CPA6: variants seen among roughly 807,000 people sequenced by gnomAD.
The protein encoded by CPA6 is carboxypeptidase A6.
CPA6 carries 58 observed loss-of-function variants against 63.3 expected under a neutral mutation model. The ratio of observed to expected loss-of-function variants is 0.92; its 90% CI spans 0.74 to 1.14. The LOEUF is 1.14. Ranked by LOEUF, CPA6 falls within the 50% of genes most tolerant of loss-of-function variation. CPA6 has a pLI of 0.00. For missense variants in CPA6, 565 were observed against 526.6 expected (o/e 1.07, Z -0.71); for synonymous variants, 185 against 179.0 (o/e 1.03, Z -0.27).
intron 1 of CPA6, among the ~76,000 whole-genome samples, chr8:67,713,073 C>CTGTGTGTG (rs1165690969): frequency 1.0e-5 from 1 of 97,734 alleles, no homozygotes; most frequent in African/African-American, 4.5e-5. Flanking sequence ...ATGTGTGTAT[C>CTGTGTGTG]TGTGTGTGTA....
At chr8:67,464,230 CATT>C (rs1810877512) in intron 8 of CPA6, among the ~76,000 whole-genome samples, 1 of 152,080 alleles carries the variant, frequency 6.6e-6, no homozygotes, top group Non-Finnish European at 1.5e-5. Context: ...GATCGTATCT[CATT>C]GTAGTTTTGA....
chr8:67,459,795 T>A (rs1810759244), intron 8 of CPA6, among the ~76,000 whole-genome samples: 2 of 152,228 alleles, frequency 1.3e-5, no homozygotes, highest in Admixed American at 1.3e-4. Context: ...TCCAAAGTAT[T>A]CATTGCATGC....
At chr8:67,533,686 T>A (rs1812524673) in intron 2 of CPA6, among the ~76,000 whole-genome samples, 1 of 152,228 alleles carries the variant, frequency 6.6e-6, no homozygotes, top group African/African-American at 2.4e-5. Flanking sequence ...AAAGAAGGCA[T>A]TTATGTTGCA....
chr8:67,742,146 G>C (rs1173561771), intron 1 of CPA6, among the ~76,000 whole-genome samples: 3 of 152,040 alleles, frequency 2.0e-5, no homozygotes, highest in Non-Finnish European at 4.4e-5. Context: ...GTGTGTGTGC[G>C]CGTGTGTGTG....
At chr8:67,447,129 T>C (rs1009291897) in intron 8 of CPA6, among the ~76,000 whole-genome samples, 2 of 151,002 alleles carry the variant, frequency 1.3e-5, no homozygotes, top group African/African-American at 4.9e-5. Context: ...CACACACATA[T>C]ATATATACAC....
At chr8:67,505,154 C>A (rs896486436) in intron 6 of CPA6, among the ~76,000 whole-genome samples, 4 of 152,130 alleles carry the variant, frequency 2.6e-5, no homozygotes, top group East Asian at 1.9e-4. Context: ...CCATTCATAT[C>A]CTATGAGATG....
chr8:67,483,456 A>G (rs1004200452), intron 8 of CPA6: 2 of 436,194 alleles, frequency 4.6e-6, no homozygotes, highest in Non-Finnish European at 8.4e-6. Context: ...ATTATACTAC[A>G]CCACGGTTCA....
At chr8:67,530,592 AC>A (rs1812457932) in intron 2 of CPA6, among the ~76,000 whole-genome samples, 1 of 152,030 alleles carries the variant, frequency 6.6e-6, no homozygotes, top group African/African-American at 2.4e-5. Context: ...ATACAAGGAA[AC>A]CCCCCAGGAG....
Position 67,742,217 on chromosome 8 carries a change from CTAA to C in CPA6, c.116+3794_116+3796del, listed in dbSNP as rs34920115. On this transcript the variant is annotated intron_variant, in intron 1 of 10. Transcript: ENST00000297770. ...TCCCTTATGGGCCCTGCATGCTTTTCTAATAATGATTCATTATCGGTGACTCAT... is the reference window on the plus strand; with the variant it reads ...TCCCTTATGGGCCCTGCATGCTTTTCTAATGATTCATTATCGGTGACTCAT... Among the ~76,000 whole-genome samples the C allele has an allele frequency of 6.8e-3, 1,040 of 152,184 alleles. 5 individuals are homozygous for C. The highest frequency in any genetic ancestry group is 0.011 in the Non-Finnish European group (755 of 68,010).
chr8:67,641,178 T>C (rs1563373440), intron 1 of CPA6, among the ~76,000 whole-genome samples: 1 of 151,782 alleles, frequency 6.6e-6, no homozygotes, highest in Non-Finnish European at 1.5e-5. Context: ...AATTCTGCCA[T>C]TACAGAGTGA....
intron 10 of CPA6, among the ~76,000 whole-genome samples, chr8:67,425,878 ATTTCTT>A (rs1329050615): frequency 4.0e-5 from 6 of 149,920 alleles, no homozygotes; most frequent in East Asian, 2.0e-4. Context: ...TGACAGCCTC[ATTTCTT>A]TTTCTTTTTC....
chr8:67,596,690 C>A, intron 2 of CPA6, among the ~76,000 whole-genome samples: 1 of 152,256 alleles, frequency 6.6e-6, no homozygotes, highest in Non-Finnish European at 1.5e-5. Flanking sequence ...AGATCATATT[C>A]AAATTTTGCA....
intron 10 of CPA6, among the ~76,000 whole-genome samples, chr8:67,425,992 G>T (rs1809874483): frequency 6.6e-6 from 1 of 151,768 alleles, no homozygotes; most frequent in African/African-American, 2.4e-5. Context: ...TGCTCCTGGG[G>T]TTCAAGAGAT....
intron 2 of CPA6, among the ~76,000 whole-genome samples, chr8:67,605,330 T>C (rs966470566): frequency 6.6e-6 from 1 of 152,120 alleles, no homozygotes; most frequent in African/African-American, 2.4e-5. Flanking sequence ...TGGGGATTAA[T>C]TGGTTCTAGG....
intron 2 of CPA6, among the ~76,000 whole-genome samples, chr8:67,591,357 T>C (rs1284073420): frequency 6.6e-6 from 1 of 152,150 alleles, no homozygotes; most frequent in African/African-American, 2.4e-5. Context: ...TAGGATTGAC[T>C]TGGCGATGTG....
At chr8:67,521,152 T>C (rs1361362971) in intron 2 of CPA6, among the ~76,000 whole-genome samples, 1 of 152,262 alleles carries the variant, frequency 6.6e-6, no homozygotes, top group Non-Finnish European at 1.5e-5. Flanking sequence ...AGGTATTTGC[T>C]GCAAGCAGCC....
chr8:67,578,519 C>T (rs762723385), intron 2 of CPA6, among the ~76,000 whole-genome samples: 3 of 152,282 alleles, frequency 2.0e-5, no homozygotes, highest in East Asian at 3.9e-4. Context: ...CAATTTGGCA[C>T]GAGATCCCTG....
At chr8:67,724,117 A>T (rs1817553472) in intron 1 of CPA6, among the ~76,000 whole-genome samples, 1 of 151,382 alleles carries the variant, frequency 6.6e-6, no homozygotes, top group Non-Finnish European at 1.5e-5. Flanking sequence ...ATACAAATTC[A>T]CTGACTTTTT....
chr8:67,562,702 T>C (rs1423890393), intron 2 of CPA6, among the ~76,000 whole-genome samples: 2 of 152,154 alleles, frequency 1.3e-5, no homozygotes, highest in African/African-American at 4.8e-5. Flanking sequence ...CCCAATGAGC[T>C]CTCATATAAC....
Sources: gnomAD v4.1 joint callset for allele counts (sites outside exome capture counted in the v4.1 genomes callset) on GRCh38, gnomAD v4.1.1 for gene constraint, MANE v1.5 for transcripts, NCBI Gene and HGNC (gene_info 2026-07-23, HGNC 2026-07-21) for gene names.